The following ARHGAP27 variants were observed in gnomAD, a reference collection of about 807,000 sequenced individuals.
The protein encoded by ARHGAP27 is rho GTPase-activating protein 27.
ARHGAP27 carries 53 observed loss-of-function variants against 102.0 expected under a neutral mutation model. That is an observed-to-expected ratio of 0.52 (90% CI 0.42 to 0.65). The LOEUF (loss-of-function observed/expected upper bound fraction) is 0.65. Ranked by LOEUF, ARHGAP27 falls within the 30% of genes least tolerant of loss-of-function variation. The pLI is 0.00. For synonymous variants in ARHGAP27, 525 were observed against 542.8 expected, an observed-to-expected ratio of 0.97 and a Z score of 0.46; for missense variants, 1,117 against 1,256.2, an observed-to-expected ratio of 0.89 and a Z score of 1.68.
At chr17:45,403,559 TA>T in intron 11 of ARHGAP27, 59 bp downstream of exon 11, 2 of 1,384,256 alleles carry the variant, frequency 1.4e-6, no homozygotes, top group Non-Finnish European at 2.0e-6. Flanking sequence ...TCAAAAAAAA[TA>T]AAAATAAAAA....
At chr17:45,397,211 C>G in intron 13 of ARHGAP27, 187 bp from the exon 14 acceptor site, 1 of 1,431,328 alleles carries the variant, frequency 7.0e-7, no homozygotes, top group Non-Finnish European at 9.1e-7. Flanking sequence ...CATTCACCTC[C>G]CTTAGCTGCA....
intron 4 of ARHGAP27, among the ~76,000 whole-genome samples, chr17:45,422,748 CAT>C (rs1491239585): frequency 3.9e-5 from 6 of 152,178 alleles, no homozygotes; most frequent in African/African-American, 1.4e-4. Flanking sequence ...GAAGGTTTAA[CAT>C]AACACATCTC....
intron 4 of ARHGAP27, among the ~76,000 whole-genome samples, chr17:45,412,045 C>G (rs561022645): frequency 6.6e-5 from 10 of 152,292 alleles, no homozygotes; most frequent in Non-Finnish European, 1.3e-4. Context: ...CCAGGAGTGT[C>G]AGTGTCAGGG....
intron 4 of ARHGAP27, among the ~76,000 whole-genome samples, chr17:45,414,294 G>A (rs576449545): frequency 4.6e-5 from 7 of 152,030 alleles, no homozygotes; most frequent in East Asian, 3.9e-4. Flanking sequence ...GGGGCCTGCC[G>A]TCCAAGCCAA....
intron 4 of ARHGAP27, among the ~76,000 whole-genome samples, chr17:45,426,624 C>T (rs2049631135): frequency 6.6e-6 from 1 of 152,006 alleles, no homozygotes; most frequent in East Asian, 1.9e-4. Context: ...GTTCTGCACC[C>T]ACTTTCTTCT....
intron 4 of ARHGAP27, among the ~76,000 whole-genome samples, chr17:45,424,034 C>CT (rs2049300343): frequency 6.6e-6 from 1 of 152,238 alleles, no homozygotes; most frequent in Non-Finnish European, 1.5e-5. Context: ...GGCCCTTCTG[C>CT]TACCTCTGCT....
chr17:45,424,940 A>C (rs1173341295), intron 4 of ARHGAP27, among the ~76,000 whole-genome samples: 1 of 151,648 alleles, frequency 6.6e-6, no homozygotes, highest in Admixed American at 6.6e-5. Context: ...GGAGCCAAGG[A>C]CTAAGAGGTG....
In ARHGAP27 at chr17:45,426,230, C is replaced by A. The variant is rs75880657; in HGVS notation, c.657+3393G>T. On this transcript the variant is annotated intron_variant, in intron 4 of 19. Transcript: ENST00000685559. ...TGAGCTTCGTCGTGTCACTAAACCT[C>A]TCTGAACCTCTGTTTGTACTCAGGG... Among the ~76,000 whole-genome samples, 718 of 152,254 alleles carry A rather than the reference C, an allele frequency of 4.7e-3. 5 individuals are homozygous for A. The highest frequency in any genetic ancestry group is 0.016 in the African/African-American group (682 of 41,524).
chr17:45,409,868 G>C (rs1459180635), intron 4 of ARHGAP27: 1 of 227,426 alleles, frequency 4.4e-6, no homozygotes. Context: ...CCTGACTACG[G>C]GATCAATGGC....
At chr17:45,399,829 T>C (rs2046236002) in intron 12 of ARHGAP27, among the ~76,000 whole-genome samples, 2 of 152,174 alleles carry the variant, frequency 1.3e-5, no homozygotes, top group Non-Finnish European at 2.9e-5. Flanking sequence ...AAGTTTCATA[T>C]AGAGGGCAAA....
intron 4 of ARHGAP27, among the ~76,000 whole-genome samples, chr17:45,420,539 T>G (rs796943005): frequency 3.6e-4 from 55 of 152,108 alleles, no homozygotes; most frequent in African/African-American, 1.1e-3. Context: ...AAAAAAAACC[T>G]GTAAAAATAC....
At chr17:45,424,568 GCT>G (rs2049361105) in intron 4 of ARHGAP27, among the ~76,000 whole-genome samples, 1 of 152,104 alleles carries the variant, frequency 6.6e-6, no homozygotes, top group Non-Finnish European at 1.5e-5. Context: ...GACGCAGTCA[GCT>G]CTAGGAAGGG....
In ARHGAP27 at chr17:45,395,309, C is replaced by T. The variant is rs2045458124; in HGVS notation, c.*147G>A. ...AACTGCCCACTAGGGGTCACCGTAC[C>T]CTCAGAACCGAGGGTGCAGAAGTCA... On this transcript the variant is annotated 3_prime_UTR_variant, in exon 20 of 20. Coordinates refer to ENST00000685559, the MANE Select transcript of ARHGAP27 (RefSeq NM_001282290.2). The T allele has an allele frequency of 9.5e-7, 1 of 1,048,732 alleles. No homozygotes were observed. The highest frequency in any genetic ancestry group is 1.6e-5 in the African/African-American group (1 of 61,978). The allele number at this position is 1,048,732 out of a possible 1,614,324, so 65.0% of individuals were successfully genotyped here.
chr17:45,415,997 G>T (rs541486537), intron 4 of ARHGAP27, among the ~76,000 whole-genome samples: 2 of 151,536 alleles, frequency 1.3e-5, no homozygotes, highest in South Asian at 4.2e-4. Context: ...TAATGGTAGG[G>T]TGTTTACTTT....
At chr17:45,405,622 G>T in intron 5 of ARHGAP27, 54 bp downstream of exon 5, 1 of 1,519,462 alleles carries the variant, frequency 6.6e-7, no homozygotes. Flanking sequence ...GGAGCAGGAG[G>T]CGGGATCAGA....
In ARHGAP27 at chr17:45,404,097, C is replaced by T; in HGVS notation, c.1480-1G>A. 1 of 1,614,098 alleles carries T rather than the reference C, an allele frequency of 6.2e-7. No homozygotes were observed. Among genetic ancestry groups the T allele is most frequent in the Non-Finnish European group, 8.5e-7 (1 of 1,180,016 alleles). On this transcript the variant is annotated splice_acceptor_variant, in intron 9 of 19. Transcript: ENST00000685559. LOFTEE classifies it high-confidence loss of function. ...CCCCTGCCTTGTCCAAGGTCTTGGT[C>T]TAAGAGAGAGAAGAGAGAGCAGGCG...
At position 45,406,003 on chromosome 17, in the gene ARHGAP27, G is replaced by T. The variant is rs766447765; in HGVS notation, c.738C>A (p.Pro246=). 1.9e-5 allele frequency: 29 copies of T among 1,535,340 alleles called. No individual in the cohort carries two copies. The highest frequency in any genetic ancestry group is 1.2e-4 in the East Asian group (5 of 40,896). The change falls in exon 5 of 20, where the codon CCC becomes CCA. Residue 246 remains proline (P), a synonymous_variant. Transcript: ENST00000685559. The part of the protein sequence containing the change: ...RATSPGAAAA[P]LPSPVWETHT... Reference sequence around the variant, plus strand: ...GCGTCTCCCACACCGGGCTGGGAAGGGGGGCTGCAGCGGCGCCCGGTGAAG... The same window carrying T: ...GCGTCTCCCACACCGGGCTGGGAAGTGGGGCTGCAGCGGCGCCCGGTGAAG...
At position 45,404,329 on chromosome 17, in the gene ARHGAP27, T is replaced by G; in HGVS notation, c.1419A>C (p.Pro473=). Residue 473 remains proline, a synonymous_variant, in exon 9 of 20, where the codon CCA becomes CCC. Transcript: ENST00000685559. Reference sequence around the variant, plus strand: ...AGCTCCCAACCTCATCCAGCTCTGCTGGGACCTATGGGGGAAGACAGATAG... The same window carrying G: ...AGCTCCCAACCTCATCCAGCTCTGCGGGGACCTATGGGGGAAGACAGATAG... ...AQASPPEEKV[P]AELDEVGSWE... The G allele has an allele frequency of 6.2e-7, 1 of 1,614,088 alleles. No homozygotes were observed. The highest frequency in any genetic ancestry group is 8.5e-7 in the Non-Finnish European group (1 of 1,179,960).
At chr17:45,420,676 C>A (rs533400074) in intron 4 of ARHGAP27, among the ~76,000 whole-genome samples, 1 of 151,980 alleles carries the variant, frequency 6.6e-6, no homozygotes, top group Non-Finnish European at 1.5e-5. Context: ...TGATTTTGGC[C>A]GGGCGCAGTG....
Sources: gnomAD v4.1 joint callset for allele counts (sites outside exome capture counted in the v4.1 genomes callset) on GRCh38, gnomAD v4.1.1 for gene constraint, MANE v1.5 for transcripts, NCBI Gene and HGNC (gene_info 2026-07-23, HGNC 2026-07-21) for gene names.